The following PIK3R5 variants were observed in gnomAD, a reference collection of about 807,000 sequenced individuals.
The protein encoded by PIK3R5 is phosphoinositide 3-kinase regulatory subunit 5.
Under a neutral mutation model 94.9 loss-of-function variants are expected in PIK3R5, and 32 were observed. That is an observed-to-expected ratio of 0.34 (90% CI 0.25 to 0.45). The LOEUF (loss-of-function observed/expected upper bound fraction) is 0.45, where lower values mean the gene tolerates loss of function less well. PIK3R5 is among the 20% of genes least tolerant of loss of function. PIK3R5 has a pLI of 1.00. For synonymous variants in PIK3R5, 443 were observed against 479.4 expected (o/e 0.92, Z 0.99); for missense variants, 853 against 1,144.6 (o/e 0.75, Z 3.68).
At chr17:8,949,623 T>A (rs1030726898) in intron 1 of PIK3R5, among the ~76,000 whole-genome samples, 1 of 152,146 alleles carries the variant, frequency 6.6e-6, no homozygotes, top group Non-Finnish European at 1.5e-5. Flanking sequence ...GCAACCTGAA[T>A]AGGATTGGAC....
chr17:8,921,656 T>A (rs751961988), intron 1 of PIK3R5, among the ~76,000 whole-genome samples: 18 of 152,172 alleles, frequency 1.2e-4, no homozygotes, highest in African/African-American at 3.1e-4. Flanking sequence ...CAAATTTTTT[T>A]AAAAACTTTA....
At chr17:8,906,552 T>A (rs1354981150) in intron 3 of PIK3R5, among the ~76,000 whole-genome samples, 1 of 152,252 alleles carries the variant, frequency 6.6e-6, no homozygotes, top group East Asian at 1.9e-4. Flanking sequence ...TATTCATATA[T>A]ACTTTCTTAT....
At chr17:8,887,950 G>A (rs955382477) in intron 10 of PIK3R5, among the ~76,000 whole-genome samples, 6 of 149,704 alleles carry the variant, frequency 4.0e-5, no homozygotes, top group Admixed American at 2.0e-4. Context: ...GCAGTGAGCC[G>A]AGATCATGCC....
chr17:8,881,550 C>A lies in PIK3R5; in HGVS notation c.2382+80G>T. 9.4e-7 allele frequency: 1 copy of A among 1,062,446 alleles called. No individual in the cohort carries two copies. Among genetic ancestry groups the A allele is most frequent in the Non-Finnish European group, 1.4e-6 (1 of 698,354 alleles). The allele number at this position is 1,062,446 out of a possible 1,614,324, so 65.8% of individuals were successfully genotyped here. The stretch of plus-strand genomic sequence containing the variant: ...ACACATGCACACACATACATGTGCA[C>A]ACACACGTACACACATACGCACATG... On this transcript the variant is annotated intron_variant, in intron 17 of 18. Coordinates refer to ENST00000447110, the MANE Select transcript of PIK3R5 (RefSeq NM_001142633.3). The surrounding 1 kb of genome is among the most constrained non-coding windows in gnomAD (Gnocchi z 4.8).
chr17:8,959,909 C>G (rs12602495), intron 1 of PIK3R5, among the ~76,000 whole-genome samples: 92,908 of 152,052 alleles, frequency 0.61, 31,702 homozygotes, highest in Non-Finnish European at 0.77. Context: ...TGGTTGGGGA[C>G]TCAACTCCCT....
At chr17:8,913,130 G>A (rs564231709) in intron 1 of PIK3R5, among the ~76,000 whole-genome samples, 11 of 152,354 alleles carry the variant, frequency 7.2e-5, no homozygotes, top group African/African-American at 2.4e-4. Context: ...GGATGGTGCT[G>A]GGAGTGGGAC....
At chr17:8,920,821 A>AT (rs145031391) in intron 1 of PIK3R5, among the ~76,000 whole-genome samples, 40,587 of 144,654 alleles carry the variant, frequency 0.28, 6,340 homozygotes, top group Non-Finnish European at 0.36. Context: ...TATATTAAGT[A>AT]TTTTTTTTTC....
chr17:8,891,013 A>C, intron 6 of PIK3R5, 101 bp from the exon 7 acceptor site: 1 of 1,177,592 alleles, frequency 8.5e-7, no homozygotes. Context: ...CACTGAGACC[A>C]GGGCCTCCTC....
At chr17:8,926,884 G>GT (rs907640496) in intron 1 of PIK3R5, among the ~76,000 whole-genome samples, 3 of 151,780 alleles carry the variant, frequency 2.0e-5, no homozygotes, top group Admixed American at 6.6e-5. Flanking sequence ...TTTATGCCTT[G>GT]TTTTTTATCA....
At chr17:8,964,284 T>C (rs1348414633) in intron 1 of PIK3R5, among the ~76,000 whole-genome samples, 1 of 151,854 alleles carries the variant, frequency 6.6e-6, no homozygotes, top group Non-Finnish European at 1.5e-5. Context: ...CCCAGCTACT[T>C]GGGAGGCGGA....
rs1383729742 is a variant in PIK3R5, at chr17:8,888,141, C to T, written c.1616+30G>A. The T allele has an allele frequency of 1.2e-6, 2 of 1,609,926 alleles. No homozygotes were observed. Among genetic ancestry groups the T allele is most frequent in the South Asian group, 2.2e-5 (2 of 90,914 alleles). On this transcript the variant is annotated intron_variant, in intron 10 of 18. Coordinates refer to ENST00000447110, the MANE Select transcript of PIK3R5 (RefSeq NM_001142633.3). This position sits in a 1 kb window ranked among gnomAD's most constrained non-coding sequence, Gnocchi z 7.8. ...AGCACAACAACCCTGTTACCCAGGG[C>T]AGAGGGATGCTCCGCATTACGGCTC...
At chr17:8,934,683 A>C (rs2091041953) in intron 1 of PIK3R5, among the ~76,000 whole-genome samples, 1 of 152,236 alleles carries the variant, frequency 6.6e-6, no homozygotes, top group Non-Finnish European at 1.5e-5. Context: ...AGTAATCAAG[A>C]CAATCTGGTA....
At chr17:8,885,815 C>T (rs1257567396) in intron 14 of PIK3R5, among the ~76,000 whole-genome samples, 1 of 123,334 alleles carries the variant, frequency 8.1e-6, no homozygotes, top group Non-Finnish European at 1.7e-5. Context: ...CATGGCCCCA[C>T]CTCCTGGGTA....
intron 1 of PIK3R5, among the ~76,000 whole-genome samples, chr17:8,915,540 G>T (rs1245060642): frequency 6.6e-6 from 1 of 152,174 alleles, no homozygotes; most frequent in East Asian, 1.9e-4. Flanking sequence ...GCTCACAGGA[G>T]TGTGTGCCAG....
In PIK3R5 at chr17:8,896,741, G is replaced by A. The variant is rs2090160398; in HGVS notation, c.413-3086C>T. Among the ~76,000 whole-genome samples the A allele has an allele frequency of 6.6e-6, 1 of 152,186 alleles. No individual in the cohort carries two copies. ...TACATCTGCCATCAAGCAAGCACTG[G>A]TATTAATGACACACGGATAGACAGG... On this transcript the variant is annotated intron_variant, in intron 5 of 18. Coordinates refer to ENST00000447110, the MANE Select transcript of PIK3R5 (RefSeq NM_001142633.3). This position sits in a 1 kb window ranked among gnomAD's most constrained non-coding sequence, Gnocchi z 4.0.
rs1597461284 is a variant in PIK3R5 at position 8,882,444 on chromosome 17, G to A, written c.2206-563C>T. 1 of 159,254 alleles carries A rather than the reference G, an allele frequency of 6.3e-6. No individual in the cohort carries two copies. Among genetic ancestry groups the A allele is most frequent in the Non-Finnish European group, 1.4e-5 (1 of 71,794 alleles). The allele number at this position is 159,254 out of a possible 1,614,324, so 9.9% of individuals were successfully genotyped here. On this transcript the variant is annotated intron_variant, in intron 15 of 18. Transcript: ENST00000447110. This position sits in a 1 kb window ranked among gnomAD's most constrained non-coding sequence, Gnocchi z 4.1. The stretch of plus-strand genomic sequence containing the variant: ...CTGCTTTGCTGGATCGCTGCCCTCT[G>A]CCCGCCATTACATCATGAAGGGCTC...
Position 8,888,555 on chromosome 17 carries a change from C to T in PIK3R5, c.1232G>A (p.Arg411His), listed in dbSNP as rs777895995. Residue 411 changes from arginine to histidine, a missense_variant, in exon 10 of 19, where the codon CGC becomes CAC. Coordinates refer to ENST00000447110, the MANE Select transcript of PIK3R5 (RefSeq NM_001142633.3). The surrounding 1 kb of genome is among the most constrained non-coding windows in gnomAD (Gnocchi z 7.8). ...EWPWRRGSQERRGHRRPGQKF... is the reference protein window; with the variant it reads ...EWPWRRGSQEHRGHRRPGQKF... The stretch of plus-strand genomic sequence containing the variant: ...CTGCCCAGGCCTGCGGTGGCCTCGG[C>T]GTTCCTGGCTGCCACGCCTCCAAGG... The T allele has an allele frequency of 1.8e-5, 29 of 1,611,770 alleles. No homozygotes were observed. Among genetic ancestry groups the T allele is most frequent in the East Asian group, 8.9e-5 (4 of 44,856 alleles).
At position 8,881,420 on chromosome 17, in the gene PIK3R5, A is replaced by C. The variant is rs1249709263; in HGVS notation, c.2382+210T>G. Among the ~76,000 whole-genome samples, 1 of 150,216 alleles carries C rather than the reference A, an allele frequency of 6.7e-6. No homozygotes were observed. The highest frequency in any genetic ancestry group is 6.6e-5 in the Admixed American group (1 of 15,134). On this transcript the variant is annotated intron_variant, in intron 17 of 18. Transcript: ENST00000447110. The surrounding 1 kb of genome is among the most constrained non-coding windows in gnomAD (Gnocchi z 4.8). ...TCCCCGACACCCCGCAACACTCCACACCTGTGTGCATCCCCAAATCATACC... is the reference window on the plus strand; with the variant it reads ...TCCCCGACACCCCGCAACACTCCACCCCTGTGTGCATCCCCAAATCATACC...
chr17:8,922,692 T>C (rs1265992667), intron 1 of PIK3R5, among the ~76,000 whole-genome samples: 1 of 152,178 alleles, frequency 6.6e-6, no homozygotes, highest in Non-Finnish European at 1.5e-5. Flanking sequence ...GGGTTAGGGC[T>C]GTTCACTTCC....
Sources: gnomAD v4.1 joint callset for allele counts (sites outside exome capture counted in the v4.1 genomes callset) on GRCh38, gnomAD v4.1.1 for gene constraint, Gnocchi (gnomAD v3.1) non-coding constraint, MANE v1.5 for transcripts, NCBI Gene and HGNC (gene_info 2026-07-23, HGNC 2026-07-21) for gene names.